Variants in MIPOL1 observed in about 807,000 individuals in gnomAD.
The protein encoded by MIPOL1 is mirror-image polydactyly gene 1 protein.
In MIPOL1, 57 loss-of-function variants were observed where a neutral mutation model predicts 60.9. The observed-to-expected ratio is 0.94, with a 90% CI of 0.76 to 1.17. The LOEUF (loss-of-function observed/expected upper bound fraction) is 1.17, where lower values mean the gene tolerates loss of function less well. Ranked by LOEUF, MIPOL1 falls within the 50% of genes most tolerant of loss-of-function variation. The pLI is 0.00. For missense variants in MIPOL1, 551 were observed against 511.6 expected (o/e 1.08, Z -0.74); for synonymous variants, 179 against 168.8 (o/e 1.06, Z -0.47).
chr14:37,503,194 G>A (rs891162382), intron 12 of MIPOL1: 7 of 152,154 alleles, frequency 4.6e-5, no homozygotes, highest in African/African-American at 1.7e-4. Flanking sequence ...CACTCTTCAG[G>A]ATATTATCCA....
chr14:37,532,919 A>G (rs570604780), intron 12 of MIPOL1, among the ~76,000 whole-genome samples: 19 of 152,058 alleles, frequency 1.2e-4, no homozygotes, highest in Non-Finnish European at 2.2e-4. Flanking sequence ...TAATTCTTCA[A>G]TCTTTCTCTG....
At chr14:37,439,036 G>C (rs995447587) in intron 11 of MIPOL1, among the ~76,000 whole-genome samples, 1 of 152,178 alleles carries the variant, frequency 6.6e-6, no homozygotes, top group Non-Finnish European at 1.5e-5. Flanking sequence ...AGAGCCTACT[G>C]TGTACTAAAG....
intron 1 of MIPOL1, among the ~76,000 whole-genome samples, chr14:37,198,793 C>T (rs931827402): frequency 2.0e-5 from 3 of 152,006 alleles, no homozygotes; most frequent in African/African-American, 7.3e-5. Flanking sequence ...AGAAATAAGC[C>T]AAAACAAAGG....
intron 11 of MIPOL1, among the ~76,000 whole-genome samples, chr14:37,455,859 A>G (rs899904596): frequency 3.3e-5 from 5 of 152,084 alleles, no homozygotes; most frequent in Non-Finnish European, 7.4e-5. Context: ...ACGTGATTTT[A>G]ATTTTTTAAA....
intron 12 of MIPOL1, among the ~76,000 whole-genome samples, chr14:37,518,531 T>G (rs1162722494): frequency 6.6e-6 from 1 of 152,082 alleles, no homozygotes; most frequent in Non-Finnish European, 1.5e-5. Flanking sequence ...GATGGGTTTT[T>G]GCTGTGTTGG....
intron 9 of MIPOL1, among the ~76,000 whole-genome samples, chr14:37,346,077 C>T (rs1462841238): frequency 6.6e-6 from 1 of 152,128 alleles, no homozygotes; most frequent in Admixed American, 6.5e-5. Context: ...CGCCTGTAAT[C>T]CCAGCACTTT....
chr14:37,201,085 TG>T (rs1450644664), intron 1 of MIPOL1, among the ~76,000 whole-genome samples: 1 of 151,668 alleles, frequency 6.6e-6, no homozygotes, highest in African/African-American at 2.4e-5. Flanking sequence ...AATATTTTTT[TG>T]TGGAGATGGG....
chr14:37,249,066 G>T (rs1353706734), intron 3 of MIPOL1, among the ~76,000 whole-genome samples: 1 of 152,026 alleles, frequency 6.6e-6, no homozygotes. Context: ...CAGACATAAG[G>T]GAGGGGGCAA....
chr14:37,312,657 C>A (rs951744580), intron 9 of MIPOL1, among the ~76,000 whole-genome samples: 1 of 151,888 alleles, frequency 6.6e-6, no homozygotes, highest in Non-Finnish European at 1.5e-5. Flanking sequence ...TTATTTATCC[C>A]AAATTGTTTT....
chr14:37,344,174 C>T (rs553705499), intron 9 of MIPOL1, among the ~76,000 whole-genome samples: 2 of 152,022 alleles, frequency 1.3e-5, no homozygotes, highest in South Asian at 4.2e-4. Context: ...ATTCCAATAC[C>T]TCATAAATAT....
intron 12 of MIPOL1, among the ~76,000 whole-genome samples, chr14:37,518,732 C>G (rs1274047812): frequency 6.6e-6 from 1 of 152,118 alleles, no homozygotes; most frequent in African/African-American, 2.4e-5. Flanking sequence ...TTTCTAAGTA[C>G]CATTTCCCAT....
intron 9 of MIPOL1, among the ~76,000 whole-genome samples, chr14:37,358,246 G>A (rs1215953333): frequency 1.3e-5 from 2 of 152,134 alleles, no homozygotes; most frequent in African/African-American, 4.8e-5. Context: ...TTATTGATGG[G>A]CATTTGAGTT....
intron 1 of MIPOL1, among the ~76,000 whole-genome samples, chr14:37,200,264 T>C (rs1965017751): frequency 2.0e-5 from 3 of 152,102 alleles, no homozygotes; most frequent in Admixed American, 2.0e-4. Flanking sequence ...TTCTTTTCTG[T>C]TTTTTTCCTC....
chr14:37,428,102 A>G (rs930549979), intron 11 of MIPOL1, among the ~76,000 whole-genome samples: 2 of 152,198 alleles, frequency 1.3e-5, no homozygotes, highest in Non-Finnish European at 2.9e-5. Context: ...CTGGGAAAAT[A>G]TAGGATTAGG....
At chr14:37,482,099 C>T (rs1298597139) in intron 11 of MIPOL1, among the ~76,000 whole-genome samples, 3 of 152,102 alleles carry the variant, frequency 2.0e-5, no homozygotes, top group Non-Finnish European at 4.4e-5. Context: ...AACTAAAAAG[C>T]TTCTGTACAT....
chr14:37,385,785 TC>T (rs2093050839), intron 10 of MIPOL1: 1 of 152,058 alleles, frequency 6.6e-6, no homozygotes, highest in African/African-American at 2.4e-5. Flanking sequence ...AACTGCTTTT[TC>T]CTGTGCAAAT....
intron 11 of MIPOL1, among the ~76,000 whole-genome samples, chr14:37,453,887 A>G (rs1026180600): frequency 2.0e-5 from 3 of 152,198 alleles, no homozygotes; most frequent in Non-Finnish European, 2.9e-5. Flanking sequence ...CACACTGTCC[A>G]GTATCATCAC....
At chr14:37,518,794 G>A (rs2095390640) in intron 12 of MIPOL1, among the ~76,000 whole-genome samples, 1 of 152,064 alleles carries the variant, frequency 6.6e-6, no homozygotes, top group Admixed American at 6.6e-5. Context: ...AGAGTAATCT[G>A]GGATGTCTTC....
At chr14:37,450,833 T>C (rs981540413) in intron 11 of MIPOL1, among the ~76,000 whole-genome samples, 1 of 152,128 alleles carries the variant, frequency 6.6e-6, no homozygotes, top group African/African-American at 2.4e-5. Flanking sequence ...ATCAATGTAT[T>C]TGAAATATTT....
Sources: allele counts gnomAD v4.1 joint callset (sites outside exome capture counted in the v4.1 genomes callset), GRCh38; gene constraint gnomAD v4.1.1; transcripts MANE v1.5; gene names NCBI Gene and HGNC (gene_info 2026-07-23, HGNC 2026-07-21).